CSMD1: variants seen among roughly 807,000 people sequenced by gnomAD.
CSMD1 encodes CUB and Sushi multiple domains 1, also known as CUB and sushi domain-containing protein 1.
In CSMD1, 213 loss-of-function variants were observed where a neutral mutation model predicts 417.5. That is an observed-to-expected ratio of 0.51 (90% CI 0.46 to 0.57). The LOEUF (loss-of-function observed/expected upper bound fraction) is 0.57. CSMD1 is among the 20% of genes least tolerant of loss of function. The pLI is 0.00. For missense variants in CSMD1, 6,923 were observed against 4,529.7 expected (o/e 1.53, Z -15.17); for synonymous variants, 2,862 against 1,736.8 (o/e 1.65, Z -16.11).
intron 1 of CSMD1, among the ~76,000 whole-genome samples, chr8:4,950,731 C>T (rs11783879): frequency 0.21 from 32,480 of 152,026 alleles, 3,651 homozygotes; most frequent in African/African-American, 0.27. Context: ...GAATACCACG[C>T]ACTTTCAAAC....
intron 12 of CSMD1, among the ~76,000 whole-genome samples, chr8:3,418,224 C>T (rs73657881): frequency 0.019 from 2,851 of 152,150 alleles, 55 homozygotes; most frequent in East Asian, 0.097. Context: ...CTTTTGTGGC[C>T]CCAGTGTGAA....
At chr8:4,458,998 G>A (rs1396530983) in intron 2 of CSMD1, among the ~76,000 whole-genome samples, 6 of 152,208 alleles carry the variant, frequency 3.9e-5, no homozygotes, top group Non-Finnish European at 8.8e-5. Flanking sequence ...ATTCACGTTT[G>A]TGCAGCTTGG....
At chr8:3,526,320 T>A (rs1031481233) in intron 10 of CSMD1, among the ~76,000 whole-genome samples, 4 of 152,140 alleles carry the variant, frequency 2.6e-5, no homozygotes, top group African/African-American at 9.7e-5. Flanking sequence ...AAAATATATT[T>A]TTTTTTTGTG....
In CSMD1 at chr8:4,645,147, C is replaced by A. The variant is rs544437474; in HGVS notation, c.86-7589G>T. Among the ~76,000 whole-genome samples, 7 of 152,208 alleles carry A rather than the reference C, an allele frequency of 4.6e-5. No individual in the cohort carries two copies. In the South Asian group the frequency reaches 1.5e-3, roughly 32 times the overall value. ...TAAATACTCCCTGCTTTATGGGAAGCTAATTTTTCTCCTACATGCTGTTCC... is the reference window on the plus strand; with the variant it reads ...TAAATACTCCCTGCTTTATGGGAAGATAATTTTTCTCCTACATGCTGTTCC... On this transcript the variant is annotated intron_variant, in intron 1 of 69. Transcript: ENST00000635120.
intron 3 of CSMD1, among the ~76,000 whole-genome samples, chr8:4,304,742 A>G (rs929772367): frequency 5.3e-5 from 8 of 152,192 alleles, no homozygotes; most frequent in Non-Finnish European, 1.0e-4. Flanking sequence ...TTGGTAAAAG[A>G]AAAGACCAAA....
At chr8:3,316,293 C>T (rs1047441035) in intron 23 of CSMD1, among the ~76,000 whole-genome samples, 1 of 151,008 alleles carries the variant, frequency 6.6e-6, no homozygotes, top group East Asian at 2.0e-4. Flanking sequence ...AATTACTTGC[C>T]AATAAAAATA....
intron 3 of CSMD1, among the ~76,000 whole-genome samples, chr8:4,191,333 C>T (rs549218361): frequency 1.3e-5 from 2 of 151,872 alleles, no homozygotes; most frequent in Non-Finnish European, 2.9e-5. Context: ...GAGGCAGAGC[C>T]TGCAGTGAGC....
At chr8:3,594,853 C>A (rs1312093456) in intron 8 of CSMD1, among the ~76,000 whole-genome samples, 1 of 152,200 alleles carries the variant, frequency 6.6e-6, no homozygotes, top group Non-Finnish European at 1.5e-5. Context: ...GCTTCCAGCA[C>A]TGCTCATGGA....
At chr8:4,422,939 G>T in intron 2 of CSMD1, among the ~76,000 whole-genome samples, 1 of 151,908 alleles carries the variant, frequency 6.6e-6, no homozygotes, top group East Asian at 1.9e-4. Context: ...CAAGATCATA[G>T]TAATCTATGT....
At chr8:4,547,898 G>A (rs983932773) in intron 2 of CSMD1, among the ~76,000 whole-genome samples, 1 of 152,122 alleles carries the variant, frequency 6.6e-6, no homozygotes, top group South Asian at 2.1e-4. Flanking sequence ...CAATAATTCA[G>A]CCATGACAAA....
At chr8:4,072,954 A>G (rs994224470) in intron 3 of CSMD1, among the ~76,000 whole-genome samples, 2 of 152,290 alleles carry the variant, frequency 1.3e-5, no homozygotes, top group African/African-American at 4.8e-5. Context: ...AAGTTTTTAA[A>G]ATTTTGCTCG....
intron 3 of CSMD1, among the ~76,000 whole-genome samples, chr8:4,131,962 C>T (rs184280222): frequency 0.016 from 2,479 of 152,008 alleles, 31 homozygotes; most frequent in Non-Finnish European, 0.025. Flanking sequence ...GACCGGCTTT[C>T]ACCATGTTAG....
At chr8:4,398,039 G>A (rs140208175) in intron 3 of CSMD1, among the ~76,000 whole-genome samples, 1 of 152,114 alleles carries the variant, frequency 6.6e-6, no homozygotes, top group African/African-American at 2.4e-5. Context: ...TTCTAACTTG[G>A]TATCTCTCTA....
At chr8:3,144,157 T>G (rs2129032535) in intron 40 of CSMD1, among the ~76,000 whole-genome samples, 1 of 152,278 alleles carries the variant, frequency 6.6e-6, no homozygotes, top group South Asian at 2.1e-4. Context: ...GCTCATAATT[T>G]ACAGGCGAGC....
chr8:3,945,039 G>C (rs1042052021), intron 5 of CSMD1, among the ~76,000 whole-genome samples: 2 of 152,174 alleles, frequency 1.3e-5, no homozygotes, highest in African/African-American at 4.8e-5. Context: ...AGGACATCCA[G>C]AGAGAGCTCT....
intron 49 of CSMD1, among the ~76,000 whole-genome samples, chr8:3,073,430 T>G: frequency 6.9e-6 from 1 of 145,124 alleles, no homozygotes; most frequent in East Asian, 2.1e-4. Flanking sequence ...GGGTGACATC[T>G]TAAAACAGGA....
At chr8:4,670,716 C>A (rs1455485700) in intron 1 of CSMD1, among the ~76,000 whole-genome samples, 1 of 151,558 alleles carries the variant, frequency 6.6e-6, no homozygotes, top group African/African-American at 2.4e-5. Flanking sequence ...TAAGGCAGAC[C>A]AGAAAAAAAT....
intron 3 of CSMD1, among the ~76,000 whole-genome samples, chr8:4,051,978 T>C (rs538814057): frequency 2.6e-5 from 4 of 151,902 alleles, no homozygotes; most frequent in East Asian, 3.9e-4. Flanking sequence ...CAGGCTGGAG[T>C]GCAACAGTGT....
chr8:2,955,134 A>C (rs1802910108), intron 64 of CSMD1, among the ~76,000 whole-genome samples: 1 of 152,190 alleles, frequency 6.6e-6, no homozygotes, highest in South Asian at 2.1e-4. Context: ...GGGACACATA[A>C]ACTGAGGTTT....
Sources: gnomAD v4.1 joint callset for allele counts (sites outside exome capture counted in the v4.1 genomes callset) on GRCh38, gnomAD v4.1.1 for gene constraint, MANE v1.5 for transcripts, NCBI Gene and HGNC (gene_info 2026-07-23, HGNC 2026-07-21) for gene names.